The following UBAP2 variants were observed in gnomAD, a reference collection of about 807,000 sequenced individuals.
UBAP2 encodes the protein ubiquitin associated protein 2, also known as ubiquitin-associated protein 2.
A neutral mutation model predicts 139.6 loss-of-function variants in UBAP2; 75 were observed. That is an observed-to-expected ratio of 0.54 (90% confidence interval 0.45 to 0.65). The LOEUF is 0.65. UBAP2 is among the 30% of genes least tolerant of loss of function. UBAP2 has a pLI of 0.00. For missense variants in UBAP2, 1,368 were observed against 1,369.6 expected, an observed-to-expected ratio of 1.00 and a Z score of 0.02; for synonymous variants, 526 against 526.2, an observed-to-expected ratio of 1.00 and a Z score of 0.01.
chr9:33,924,535 C>T (rs1823252116), intron 22 of UBAP2, among the ~76,000 whole-genome samples: 2 of 152,382 alleles, frequency 1.3e-5, no homozygotes, highest in South Asian at 4.1e-4. Context: ...GAGACCAAGC[C>T]TCACACATCC....
At chr9:34,026,986 C>A (rs1206089760) in intron 1 of UBAP2, among the ~76,000 whole-genome samples, 1 of 152,092 alleles carries the variant, frequency 6.6e-6, no homozygotes, top group Non-Finnish European at 1.5e-5. Context: ...TGGTCTAGAT[C>A]AGATCTCACC....
intron 2 of UBAP2, among the ~76,000 whole-genome samples, chr9:34,006,067 C>A (rs978449011): frequency 2.0e-5 from 3 of 151,658 alleles, no homozygotes; most frequent in African/African-American, 7.3e-5. Context: ...CCCATCTCTA[C>A]TAAAAATACA....
intron 1 of UBAP2, among the ~76,000 whole-genome samples, chr9:34,035,415 C>G (rs1455271780): frequency 6.8e-6 from 1 of 147,210 alleles, no homozygotes; most frequent in Non-Finnish European, 1.5e-5. Context: ...GGTGGGAGAA[C>G]AGCTTGAACC....
intron 18 of UBAP2, 136 bp downstream of exon 18, chr9:33,933,354 T>C (rs1824169170): frequency 1.9e-6 from 2 of 1,059,110 alleles, no homozygotes; most frequent in Non-Finnish European, 2.6e-6. Flanking sequence ...AAACCTAAGC[T>C]ACAGTCGTAA....
intron 1 of UBAP2, among the ~76,000 whole-genome samples, 186 bp from the exon 2 acceptor site, chr9:34,017,375 G>A (rs1347601548): frequency 6.6e-6 from 1 of 152,146 alleles, no homozygotes; most frequent in Admixed American, 6.6e-5. Context: ...TGCAATCTAA[G>A]TCTATGGTTT....
chr9:34,014,436 C>T (rs1326414967), intron 2 of UBAP2, among the ~76,000 whole-genome samples: 1 of 151,142 alleles, frequency 6.6e-6, no homozygotes, highest in East Asian at 1.9e-4. Context: ...GGAGACCAGG[C>T]TGGGCAACAT....
At chr9:34,011,166 C>G (rs564691903) in intron 2 of UBAP2, among the ~76,000 whole-genome samples, 1 of 152,074 alleles carries the variant, frequency 6.6e-6, no homozygotes. Flanking sequence ...TATTAATAAT[C>G]GCATTTTGCT....
At chr9:33,935,160 T>TGGC (rs1267605770) in intron 17 of UBAP2, among the ~76,000 whole-genome samples, 1 of 19,606 alleles carries the variant, frequency 5.1e-5, no homozygotes. Context: ...CTGTTGGAAG[T>TGGC]GGCGGGGGGG....
At chr9:33,977,141 C>G (rs904806543) in intron 6 of UBAP2, among the ~76,000 whole-genome samples, 6 of 150,412 alleles carry the variant, frequency 4.0e-5, no homozygotes, top group Admixed American at 3.3e-4. Context: ...CAGGTTCAGG[C>G]AATTCTCCCG....
chr9:33,922,522 A>G lies in UBAP2; in HGVS notation c.3342T>C (p.Ser1114=). 2 of 1,613,762 alleles carry G rather than the reference A, an allele frequency of 1.2e-6. No homozygotes were observed. Among genetic ancestry groups the G allele is most frequent in the Non-Finnish European group, 1.7e-6 (2 of 1,179,946 alleles). Residue 1114 remains serine (S), a synonymous_variant, in exon 29 of 29, where the codon TCT becomes TCC. Coordinates refer to ENST00000379238, the MANE Select transcript of UBAP2 (RefSeq NM_001370062.2). ...SQASKPAYGN[S]PYWTN is the part of the protein sequence containing the mutation. The stretch of plus-strand genomic sequence containing the variant: ...TCTGGGTTTAGTTTGTCCAGTATGG[A>G]GAGTTGCCGTAGGCAGGTTTGGAGG...
At chr9:33,947,329 T>C (rs1238414358) in intron 13 of UBAP2, among the ~76,000 whole-genome samples, 2 of 152,168 alleles carry the variant, frequency 1.3e-5, no homozygotes, top group Non-Finnish European at 2.9e-5. Flanking sequence ...TCCCCTGCTA[T>C]TCCTTAATAC....
chr9:33,938,721 G>A (rs542202728), intron 16 of UBAP2, among the ~76,000 whole-genome samples: 7 of 151,294 alleles, frequency 4.6e-5, no homozygotes, highest in East Asian at 2.0e-4. Context: ...GCTTGAACCC[G>A]GGAGGTGGAG....
chr9:34,037,132 A>G (rs975943385), intron 1 of UBAP2, among the ~76,000 whole-genome samples: 1 of 151,956 alleles, frequency 6.6e-6, no homozygotes. Flanking sequence ...GAGATTACAG[A>G]GGCGTGCCAC....
rs984018438 is a variant in UBAP2 at position 33,999,384 on chromosome 9, T to C, written c.100-520A>G. Among the ~76,000 whole-genome samples, 10 of 146,596 alleles carry C rather than the reference T, an allele frequency of 6.8e-5. 1 individual carries two copies. The stretch of plus-strand genomic sequence containing the variant: ...TTAGAGGTAGTTGGTAGGCAAAAAA[T>C]AATAAAAGAAAAAATAAAAGGTAAT... On this transcript the variant is annotated intron_variant, in intron 2 of 28. Coordinates refer to ENST00000379238, the MANE Select transcript of UBAP2 (RefSeq NM_001370062.2).
chr9:33,944,745 TGAATTTCTTAGGTTTTACACACA>T, intron 13 of UBAP2, 106 bp from the exon 14 acceptor site: 12 of 1,355,478 alleles, frequency 8.9e-6, no homozygotes, highest in Non-Finnish European at 1.2e-5. Flanking sequence ...CATTTCCAGT[TGAATTTCTTAGGTTTTACACACA>T]CTATGTGTAA....
chr9:33,948,533 T>A lies in UBAP2; in HGVS notation c.1111A>T (p.Ile371Phe). ...TGGTCCAAAATCTGGGAGCTGGTGATGTTTGCCATTTTTGGTGGTGCAAGC... is the reference window on the plus strand; with the variant it reads ...TGGTCCAAAATCTGGGAGCTGGTGAAGTTTGCCATTTTTGGTGGTGCAAGC... The part of the protein sequence containing the change: ...GELAPPKMAN[I>F]TSSQILDQLK... Residue 371 changes from isoleucine (I) to phenylalanine (F), a missense_variant, in exon 13 of 29, where the codon ATC (isoleucine) becomes TTC (phenylalanine). By Grantham distance (21) the Ile-to-Phe change is conservative (BLOSUM62 0). Transcript: ENST00000379238. The A allele has an allele frequency of 6.2e-7, 1 of 1,614,186 alleles. No homozygotes were observed. Among genetic ancestry groups the A allele is most frequent in the Non-Finnish European group, 8.5e-7 (1 of 1,180,028 alleles).
At chr9:34,041,083 A>C (rs1827030938) in intron 1 of UBAP2, among the ~76,000 whole-genome samples, 1 of 152,152 alleles carries the variant, frequency 6.6e-6, no homozygotes, top group African/African-American at 2.4e-5. Context: ...AAAAAACTGG[A>C]AATGAGACAA....
At position 33,998,878 on chromosome 9, in the gene UBAP2, A is replaced by G. The variant is rs781214085; in HGVS notation, c.100-14T>C. ...TTCAGCTGTTGCCTGGAAAGTACAT[A>G]CAATTGTTAAGGATTTGAACACCAA... is the stretch of plus-strand genomic sequence containing the variant. On this transcript the variant is annotated splice_polypyrimidine_tract_variant and intron_variant, in intron 2 of 28. Transcript: ENST00000379238. 2 of 1,605,488 alleles carry G rather than the reference A, an allele frequency of 1.2e-6. No homozygotes were observed. Among genetic ancestry groups the G allele is most frequent in the Admixed American group, 3.4e-5 (2 of 59,452 alleles).
At chr9:33,984,008 G>A (rs528970391) in intron 6 of UBAP2, among the ~76,000 whole-genome samples, 2 of 152,046 alleles carry the variant, frequency 1.3e-5, no homozygotes, top group East Asian at 3.9e-4. Context: ...ACTTCCCCCA[G>A]TTCTCGTGCC....
Sources: gnomAD v4.1 joint callset for allele counts (sites outside exome capture counted in the v4.1 genomes callset) on GRCh38, gnomAD v4.1.1 for gene constraint, MANE v1.5 for transcripts, NCBI Gene and HGNC (gene_info 2026-07-23, HGNC 2026-07-21) for gene names.